TIAM2: variants seen among roughly 807,000 people sequenced by gnomAD.
TIAM2 encodes the protein TIAM Rac1 associated GEF 2, also known as rho guanine nucleotide exchange factor TIAM2.
Under a neutral mutation model 152.9 loss-of-function variants are expected in TIAM2, and 80 were observed. The observed-to-expected ratio is 0.52, with a 90% CI of 0.44 to 0.63. The LOEUF is 0.63. Among genes scored for constraint, TIAM2 ranks in the 30% least tolerant of loss-of-function variants. The pLI is 0.00. For missense variants in TIAM2, 1,965 were observed against 2,120.1 expected (o/e 0.93, Z 1.44); for synonymous variants, 804 against 838.0 (o/e 0.96, Z 0.70).
Position 155,129,263 on chromosome 6 carries a change from A to G in TIAM2, c.40A>G (p.Lys14Glu). ...CAGTCAGTACACCCTTCAAGGATCT[A>G]AAAATCATAGCAATACTATTACTGG... is the stretch of plus-strand genomic sequence containing the variant. ...SDSQYTLQGS[K>E]NHSNTITGAK... is the part of the protein sequence containing the mutation. The change falls in exon 4 of 27, where the codon AAA becomes GAA. Residue 14 changes from lysine (K) to glutamate (E), a missense_variant. Physicochemically the swap from Lys to Glu is moderately conservative, Grantham distance 56. This residue lies in a region of TIAM2 where 1,025 missense variants were observed against 1,119.4 expected (regional missense o/e 0.92). Transcript: ENST00000682666. This position sits in a 1 kb window ranked among gnomAD's most constrained non-coding sequence, Gnocchi z 4.8. 1 of 1,614,216 alleles carries G rather than the reference A, an allele frequency of 6.2e-7. No individual in the cohort carries two copies. Among genetic ancestry groups the G allele is most frequent in the Non-Finnish European group, 8.5e-7 (1 of 1,180,034 alleles).
intron 23 of TIAM2, 64 bp from the exon 24 acceptor site, chr6:155,252,884 T>C (rs1783753511): frequency 1.4e-6 from 2 of 1,431,158 alleles, no homozygotes; most frequent in African/African-American, 1.4e-5. Flanking sequence ...CTATTCACTG[T>C]GCACACATCC....
intron 5 of TIAM2, among the ~76,000 whole-genome samples, chr6:155,142,248 AT>A (rs1779728393): frequency 6.6e-6 from 1 of 151,066 alleles, no homozygotes; most frequent in South Asian, 2.1e-4. Context: ...TGATTTCCTG[AT>A]TTTTTAAATT....
intron 8 of TIAM2, 25 bp from the exon 9 acceptor site, chr6:155,165,238 T>C: frequency 1.3e-6 from 2 of 1,588,632 alleles, no homozygotes; most frequent in Middle Eastern, 1.7e-4. Context: ...CCTTTAGATT[T>C]TTTTTAAACT....
intron 2 of TIAM2, among the ~76,000 whole-genome samples, chr6:155,110,388 G>A (rs548137258): frequency 4.2e-5 from 6 of 141,198 alleles, no homozygotes; most frequent in African/African-American, 1.3e-4. Context: ...GGTAACCTGT[G>A]TGTTGGTTTG....
intron 1 of TIAM2, among the ~76,000 whole-genome samples, chr6:155,029,010 CTA>C (rs1297316696): frequency 8.2e-6 from 1 of 121,296 alleles, no homozygotes; most frequent in Admixed American, 9.0e-5. Flanking sequence ...ACTATATATA[CTA>C]TGTTATATAT....
At chr6:155,028,703 TG>T in intron 1 of TIAM2, among the ~76,000 whole-genome samples, 1 of 123,740 alleles carries the variant, frequency 8.1e-6, no homozygotes, top group Non-Finnish European at 1.6e-5. Context: ...ATATATACTG[TG>T]TTATATATAT....
chr6:154,997,838 A>G (rs144159361), intron 1 of TIAM2, among the ~76,000 whole-genome samples: 193 of 151,790 alleles, frequency 1.3e-3, no homozygotes, highest in Non-Finnish European at 2.3e-3. Context: ...GGGTTTCGCC[A>G]TGTTGCCCAG....
chr6:155,032,682 G>C (rs1022363493), intron 1 of TIAM2, among the ~76,000 whole-genome samples: 1 of 151,940 alleles, frequency 6.6e-6, no homozygotes, highest in Non-Finnish European at 1.5e-5. Context: ...CTGAGATTAC[G>C]GGCACCTGCC....
chr6:155,087,995 G>A (rs1778211104), intron 1 of TIAM2, among the ~76,000 whole-genome samples: 1 of 150,640 alleles, frequency 6.6e-6, no homozygotes, highest in Non-Finnish European at 1.5e-5. Context: ...TCCTATAAAT[G>A]AAAACTGTTC....
chr6:155,248,106 C>T lies in TIAM2; in HGVS notation c.3759C>T (p.Leu1253=), dbSNP rs1413652108. 6.2e-7 allele frequency: 1 copy of T among 1,614,222 alleles called. No homozygotes were observed. The highest frequency in any genetic ancestry group is 8.5e-7 in the Non-Finnish European group (1 of 1,180,050). ...SYLIKPVQRV[L]KYPLLLKELV... ...TCATCAAGCCGGTTCAGAGAGTGCT[C>T]AAGTACCCGCTGCTGCTCAAGGAGC... The change falls in exon 20 of 27, where the codon CTC becomes CTT. Residue 1253 remains leucine, a synonymous_variant. Coordinates refer to ENST00000682666, the MANE Select transcript of TIAM2 (RefSeq NM_012454.4).
intron 26 of TIAM2, chr6:155,254,892 C>G (rs1783903374): frequency 8.7e-6 from 2 of 229,180 alleles, no homozygotes; most frequent in Non-Finnish European, 1.8e-5. Context: ...AGAACAGTGC[C>G]AGGCATCCTG....
chr6:155,087,767 A>G (rs1778204804), intron 1 of TIAM2, among the ~76,000 whole-genome samples: 2 of 152,170 alleles, frequency 1.3e-5, no homozygotes, highest in African/African-American at 4.8e-5. Flanking sequence ...AAATAAATAA[A>G]ATAAAATAAA....
intron 2 of TIAM2, among the ~76,000 whole-genome samples, chr6:155,105,203 A>G (rs547418791): frequency 7.2e-5 from 11 of 152,318 alleles, no homozygotes; most frequent in African/African-American, 2.6e-4. Context: ...TCTGTCTCCC[A>G]GGCTGTAGTG....
intron 14 of TIAM2, among the ~76,000 whole-genome samples, chr6:155,193,647 T>C (rs1000516153): frequency 1.3e-5 from 2 of 152,232 alleles, no homozygotes; most frequent in African/African-American, 4.8e-5. Context: ...CATATGTTTT[T>C]CCTCAATGCT....
At position 155,127,595 on chromosome 6, in the gene TIAM2, C is replaced by T. The variant is rs751645606; in HGVS notation, c.-12C>T. ...AACCTCCCTCACAGCAGAAACTAGACGTCAGGTAAACCCAACCCTTGTGCC... is the reference window on the plus strand; with the variant it reads ...AACCTCCCTCACAGCAGAAACTAGATGTCAGGTAAACCCAACCCTTGTGCC... On this transcript the variant is annotated 5_prime_UTR_variant, in exon 3 of 27. It adds an upstream start codon to the 5' untranslated region. Coordinates refer to ENST00000682666, the MANE Select transcript of TIAM2 (RefSeq NM_012454.4). The T allele has an allele frequency of 2.0e-5, 9 of 455,892 alleles. No individual in the cohort carries two copies. The highest frequency in any genetic ancestry group is 4.6e-5 in the South Asian group (3 of 64,562). 28.2% of individuals were successfully genotyped at this position (455,892 alleles called of 1,614,324 possible).
intron 14 of TIAM2, among the ~76,000 whole-genome samples, chr6:155,184,247 C>G (rs539853143): frequency 1.3e-5 from 2 of 152,198 alleles, no homozygotes; most frequent in African/African-American, 4.8e-5. Context: ...CCTCGGTCTC[C>G]CAGAGTGCTG....
At chr6:155,086,204 C>G (rs962137636) in intron 1 of TIAM2, among the ~76,000 whole-genome samples, 2 of 152,184 alleles carry the variant, frequency 1.3e-5, no homozygotes, top group African/African-American at 4.8e-5. Flanking sequence ...TTCTTGGAAC[C>G]AGTAACTTGT....
At chr6:155,070,367 C>T (rs1424905365) in intron 1 of TIAM2, among the ~76,000 whole-genome samples, 1 of 151,020 alleles carries the variant, frequency 6.6e-6, no homozygotes, top group Non-Finnish European at 1.5e-5. Context: ...ATTACAGTAG[C>T]TGGGATTACT....
chr6:155,169,059 G>T (rs986937517), intron 9 of TIAM2: 3 of 746,844 alleles, frequency 4.0e-6, no homozygotes, highest in Non-Finnish European at 6.2e-6. Context: ...GCAGTGGCAC[G>T]ATCTTGGCTC....
Sources: allele counts gnomAD v4.1 joint callset (sites outside exome capture counted in the v4.1 genomes callset), GRCh38; gene constraint gnomAD v4.1.1; regional missense constraint gnomAD v4.1.1; non-coding constraint Gnocchi (gnomAD v3.1); transcripts MANE v1.5; gene names NCBI Gene and HGNC (gene_info 2026-07-23, HGNC 2026-07-21).